Variants in EXOC6B observed in about 807,000 individuals in gnomAD.
EXOC6B encodes the protein SEC15 homolog B.
A neutral mutation model predicts 113.5 loss-of-function variants in EXOC6B; 54 were observed. That is an observed-to-expected ratio of 0.48 (90% CI 0.38 to 0.60). The LOEUF is 0.60. Among genes scored for constraint, EXOC6B ranks in the 20% least tolerant of loss-of-function variants. The pLI is 0.00. For missense variants in EXOC6B, 797 were observed against 977.5 expected (o/e 0.82, Z 2.46); for synonymous variants, 357 against 339.0 (o/e 1.05, Z -0.58).
chr2:72,709,797 T>C (rs1312999576), intron 6 of EXOC6B, among the ~76,000 whole-genome samples: 1 of 152,128 alleles, frequency 6.6e-6, no homozygotes, highest in Non-Finnish European at 1.5e-5. Context: ...ATTTCTACGG[T>C]TTAGATTGCT....
intron 18 of EXOC6B, among the ~76,000 whole-genome samples, chr2:72,416,094 A>G (rs1694506455): frequency 6.6e-6 from 1 of 152,184 alleles, no homozygotes; most frequent in Non-Finnish European, 1.5e-5. Flanking sequence ...AGCAGCTTTC[A>G]TGGCAGAGGG....
At chr2:72,743,132 C>G (rs1681439653) in intron 1 of EXOC6B, among the ~76,000 whole-genome samples, 1 of 152,094 alleles carries the variant, frequency 6.6e-6, no homozygotes, top group Non-Finnish European at 1.5e-5. Context: ...CCTGACAACT[C>G]AACCTCCGAA....
At chr2:72,440,096 C>T (rs11126367) in intron 18 of EXOC6B, among the ~76,000 whole-genome samples, 32,701 of 151,908 alleles carry the variant, frequency 0.22, 5,631 homozygotes, top group African/African-American at 0.48. Context: ...CCAGCCCAAA[C>T]GCACCTGTAG....
chr2:72,312,793 C>T (rs977935187), intron 20 of EXOC6B, among the ~76,000 whole-genome samples: 1 of 124,614 alleles, frequency 8.0e-6, no homozygotes, highest in African/African-American at 4.1e-5. Context: ...CAAACAAAAA[C>T]GACAACCAAA....
chr2:72,777,084 T>C (rs1165798771), intron 1 of EXOC6B, among the ~76,000 whole-genome samples: 1 of 151,824 alleles, frequency 6.6e-6, no homozygotes, highest in East Asian at 1.9e-4. Flanking sequence ...CTAATAAAAA[T>C]ACAAAAATCA....
chr2:72,603,746 A>G (rs1263924901), intron 6 of EXOC6B, among the ~76,000 whole-genome samples: 9 of 152,158 alleles, frequency 5.9e-5, no homozygotes, highest in Non-Finnish European at 1.3e-4. Flanking sequence ...TCAATACTGA[A>G]GCAATGCTGA....
intron 6 of EXOC6B, among the ~76,000 whole-genome samples, chr2:72,654,162 G>A (rs1254196639): frequency 6.6e-6 from 1 of 152,000 alleles, no homozygotes; most frequent in African/African-American, 2.4e-5. Flanking sequence ...AGTAGAGACG[G>A]GGTTTCACCG....
At chr2:72,802,033 A>ATAAAGATGT (rs780684969) in intron 1 of EXOC6B, among the ~76,000 whole-genome samples, 55 of 152,282 alleles carry the variant, frequency 3.6e-4, no homozygotes, top group Middle Eastern at 6.8e-3. Flanking sequence ...GATGTAGTAT[A>ATAAAGATGT]AGAACTTGTG....
intron 20 of EXOC6B, among the ~76,000 whole-genome samples, chr2:72,251,392 T>C (rs1683009539): frequency 1.3e-5 from 2 of 152,218 alleles, no homozygotes; most frequent in Non-Finnish European, 2.9e-5. Context: ...ATGACACACA[T>C]GCTGTCATAT....
At chr2:72,580,800 C>T (rs1573433203) in intron 6 of EXOC6B, among the ~76,000 whole-genome samples, 3 of 152,318 alleles carry the variant, frequency 2.0e-5, no homozygotes, top group African/African-American at 7.2e-5. Context: ...ACTCCTGCAG[C>T]ACAATCTGGA....
chr2:72,328,733 C>T (rs1007364977), intron 20 of EXOC6B, among the ~76,000 whole-genome samples: 1 of 152,106 alleles, frequency 6.6e-6, no homozygotes, highest in Non-Finnish European at 1.5e-5. Flanking sequence ...ACTATATCTT[C>T]TTCTAACCAC....
intron 6 of EXOC6B, among the ~76,000 whole-genome samples, chr2:72,645,731 C>A (rs1380597215): frequency 6.6e-6 from 1 of 152,176 alleles, no homozygotes; most frequent in East Asian, 1.9e-4. Flanking sequence ...TAAAGATGTT[C>A]TTTGAAACCA....
intron 8 of EXOC6B, among the ~76,000 whole-genome samples, chr2:72,535,349 T>C (rs1021526766): frequency 7.9e-5 from 12 of 152,196 alleles, no homozygotes; most frequent in African/African-American, 2.2e-4. Flanking sequence ...GTTGTTGTTG[T>C]TTTTGTTGTT....
intron 8 of EXOC6B, among the ~76,000 whole-genome samples, chr2:72,543,895 A>T (rs1266597122): frequency 2.6e-5 from 4 of 152,216 alleles, no homozygotes; most frequent in African/African-American, 9.6e-5. Context: ...ACGGACTAGG[A>T]GTTACCAAAT....
intron 8 of EXOC6B, among the ~76,000 whole-genome samples, chr2:72,526,924 C>T (rs569195687): frequency 6.6e-6 from 1 of 151,816 alleles, no homozygotes; most frequent in African/African-American, 2.4e-5. Context: ...TATCCAGTCC[C>T]CCAAATTTAA....
intron 8 of EXOC6B, among the ~76,000 whole-genome samples, chr2:72,531,755 G>A (rs1385739457): frequency 2.0e-5 from 3 of 152,170 alleles, no homozygotes; most frequent in Non-Finnish European, 4.4e-5. Flanking sequence ...GGAGGCCAAG[G>A]TGGTTAGATC....
chr2:72,680,836 C>A (rs187250208), intron 6 of EXOC6B, among the ~76,000 whole-genome samples: 1 of 152,100 alleles, frequency 6.6e-6, no homozygotes, highest in Non-Finnish European at 1.5e-5. Flanking sequence ...TTTCACCACA[C>A]CATTCTCTGT....
At chr2:72,733,022 G>A (rs1034895322) in intron 3 of EXOC6B, 49 bp downstream of exon 3, 2 of 1,257,930 alleles carry the variant, frequency 1.6e-6, no homozygotes, top group African/African-American at 1.5e-5. Context: ...CATTAAAAGA[G>A]AGTGGCATGA....
intron 18 of EXOC6B, among the ~76,000 whole-genome samples, chr2:72,420,614 C>A (rs1465180928): frequency 2.0e-5 from 3 of 152,168 alleles, no homozygotes; most frequent in African/African-American, 7.2e-5. Flanking sequence ...ATATGTGCCA[C>A]ATTTTCTTAA....
Sources: gnomAD v4.1 joint callset for allele counts (sites outside exome capture counted in the v4.1 genomes callset) on GRCh38, gnomAD v4.1.1 for gene constraint, MANE v1.5 for transcripts, NCBI Gene and HGNC (gene_info 2026-07-23, HGNC 2026-07-21) for gene names.